DNAH14: variants seen among roughly 807,000 people sequenced by gnomAD.
DNAH14 encodes axonemal beta dynein heavy chain 14.
DNAH14 carries 478 observed loss-of-function variants against 520.9 expected under a neutral mutation model. The ratio of observed to expected loss-of-function variants is 0.92; its 90% CI spans 0.85 to 0.99. The LOEUF is 0.99. Among genes scored for constraint, DNAH14 ranks in the 50% least tolerant of loss-of-function variants. DNAH14 has a pLI of 0.00. For missense variants in DNAH14, 4,831 were observed against 5,234.5 expected (o/e 0.92, Z 2.38); for synonymous variants, 1,581 against 1,757.2 (o/e 0.90, Z 2.51).
Position 225,207,261 on chromosome 1 carries a change from G to A in DNAH14, c.6439+41G>A. 2.1e-6 allele frequency: 3 copies of A among 1,427,628 alleles called. No homozygotes were observed. The South Asian group carries it at 4.7e-5, about 23-fold the overall frequency. 88.4% of individuals were successfully genotyped at this position (1,427,628 alleles called of 1,614,324 possible). ...TAAGTCATATCAATGATATATCTTA[G>A]CTAGTCAATGCTAATTCATCACCGT... On this transcript the variant is annotated intron_variant, in intron 41 of 85. Transcript: ENST00000682510.
chr1:224,976,184 G>GA (rs2061826272), intron 8 of DNAH14, among the ~76,000 whole-genome samples: 3 of 151,974 alleles, frequency 2.0e-5, no homozygotes, highest in Non-Finnish European at 4.4e-5. Context: ...GTGTGGTGCT[G>GA]AAAAAAATGT....
At chr1:225,185,236 G>T (rs1397302647) in intron 36 of DNAH14, 55 bp from the exon 37 acceptor site, 4 of 1,503,504 alleles carry the variant, frequency 2.7e-6, no homozygotes, top group Non-Finnish European at 3.6e-6. Flanking sequence ...GAGATATATT[G>T]GTTAATAAAC....
rs142428668 is a variant in DNAH14, at chr1:225,201,998, C to T, written c.5887-2185C>T. 2.0e-3 allele frequency among the ~76,000 whole-genome samples: 310 copies of T among 151,948 alleles called. 1 individual carries two copies. The highest frequency in any genetic ancestry group is 7.1e-3 in the African/African-American group (296 of 41,416). On this transcript the variant is annotated intron_variant, in intron 38 of 85. Coordinates refer to ENST00000682510, the MANE Select transcript of DNAH14 (RefSeq NM_001367479.1). The stretch of plus-strand genomic sequence containing the variant: ...TCAAGCGATTCTCCTGCCTCAGCCT[C>T]CCCAGTAGCTGGGATTACAGGTGCC...
chr1:225,090,156 G>C (rs1165338941), intron 21 of DNAH14, among the ~76,000 whole-genome samples: 2 of 152,028 alleles, frequency 1.3e-5, no homozygotes, highest in Non-Finnish European at 2.9e-5. Flanking sequence ...TACTGGCATT[G>C]AGAAATAGCA....
chr1:225,066,218 G>A (rs56269823), intron 17 of DNAH14, among the ~76,000 whole-genome samples: 1,553 of 152,008 alleles, frequency 0.01, 32 homozygotes, highest in African/African-American at 0.035. Flanking sequence ...AGGTATTTGA[G>A]TTGCTTATAA....
At chr1:225,142,701 G>T (rs186260665) in intron 28 of DNAH14, among the ~76,000 whole-genome samples, 1 of 152,292 alleles carries the variant, frequency 6.6e-6, no homozygotes, top group East Asian at 1.9e-4. Flanking sequence ...GGGAGGCCGG[G>T]TGGATCACTT....
At position 225,395,606 on chromosome 1, in the gene DNAH14, A is replaced by T. The variant is rs1575188098; in HGVS notation, c.13492-2914A>T. On this transcript the variant is annotated intron_variant, in intron 84 of 85. Transcript: ENST00000682510. ...GACTCCCGTCTCAAAAAAAAAAAAA[A>T]AAATTATTCTGTAGGATGGGGCGGG... is the stretch of plus-strand genomic sequence containing the variant. The T allele has an allele frequency of 2.6e-5, 4 of 152,496 alleles. No individual in the cohort carries two copies. In the South Asian group the frequency reaches 8.3e-4, roughly 32 times the overall value. 9.4% of individuals were successfully genotyped at this position (152,496 alleles called of 1,614,324 possible). A position where few individuals can be genotyped will look rare whatever the true frequency, so the allele number is the denominator to read the frequency against.
At chr1:225,011,055 G>C (rs989163663) in intron 10 of DNAH14, among the ~76,000 whole-genome samples, 1 of 151,250 alleles carries the variant, frequency 6.6e-6, no homozygotes, top group Non-Finnish European at 1.5e-5. Context: ...ACAGCTCCTG[G>C]ATTCATTGAT....
At chr1:225,308,450 T>G in intron 60 of DNAH14, 40 bp downstream of exon 60, 1 of 1,497,548 alleles carries the variant, frequency 6.7e-7, no homozygotes. Context: ...ATTTGGAGAT[T>G]TGAAAAAGTA....
At chr1:225,023,371 T>G (rs1197626441) in intron 10 of DNAH14, among the ~76,000 whole-genome samples, 1 of 151,756 alleles carries the variant, frequency 6.6e-6, no homozygotes, top group Non-Finnish European at 1.5e-5. Context: ...TGTCTTTTTT[T>G]TTTTTCCTCT....
chr1:225,039,211 G>A (rs561747888), intron 12 of DNAH14, among the ~76,000 whole-genome samples: 1 of 136,744 alleles, frequency 7.3e-6, no homozygotes, highest in Non-Finnish European at 1.7e-5. Context: ...CAGGAGTGAT[G>A]TTGTATGCTA....
rs1281789140 is a variant in DNAH14, at chr1:225,259,229, T to C, written c.7133T>C (p.Leu2378Ser). Residue 2378 changes from leucine (L) to serine (S), a missense_variant, in exon 46 of 86, where the codon TTA (leucine) becomes TCA (serine). Leu to Ser is a moderately radical substitution (Grantham distance 145). Transcript: ENST00000682510. ...GGTTCAATTTTAGGAGACACCCTAT[T>C]ATATAGTGAAATAAAAAAATCAAGG... Reference protein sequence around the residue: ...KHGSILGDTLLYSEIKKSSSL... With the variant: ...KHGSILGDTLSYSEIKKSSSL... The C allele has an allele frequency of 4.0e-6, 6 of 1,506,996 alleles. No homozygotes were observed. The highest frequency in any genetic ancestry group is 5.3e-6 in the Non-Finnish European group (6 of 1,124,642). 93.4% of individuals were successfully genotyped at this position (1,506,996 alleles called of 1,614,324 possible).
At position 224,929,821 on chromosome 1, in the gene DNAH14, A is replaced by G. The variant is rs1248831712; in HGVS notation, c.-48A>G. ...CAGGAAGGGCCACAACGGCCGTCGG[A>G]CCACGGCGCGGCGGGTAAGGTCGTC... On this transcript the variant is annotated 5_prime_UTR_variant, in exon 1 of 86. Coordinates refer to ENST00000682510, the MANE Select transcript of DNAH14 (RefSeq NM_001367479.1). 1.4e-6 allele frequency: 1 copy of G among 694,334 alleles called. No individual in the cohort carries two copies. The highest frequency in any genetic ancestry group is 1.5e-5 in the South Asian group (1 of 67,282). 43.0% of individuals were successfully genotyped at this position (694,334 alleles called of 1,614,324 possible).
chr1:225,034,380 G>C (rs1392595541), intron 11 of DNAH14, among the ~76,000 whole-genome samples: 1 of 152,032 alleles, frequency 6.6e-6, no homozygotes, highest in Non-Finnish European at 1.5e-5. Context: ...TGTGTATGTT[G>C]AGCCAACCTT....
At chr1:225,138,560 C>T (rs1431000498) in intron 27 of DNAH14, among the ~76,000 whole-genome samples, 1 of 152,164 alleles carries the variant, frequency 6.6e-6, no homozygotes, top group East Asian at 1.9e-4. Flanking sequence ...ACTCCTGGGT[C>T]ACTGTGTGCA....
At chr1:224,929,952 C>T in intron 1 of DNAH14, 117 bp downstream of exon 1, 1 of 529,384 alleles carries the variant, frequency 1.9e-6, no homozygotes, top group East Asian at 3.4e-5. Context: ...CCTGGGCGCT[C>T]CCCACCCAGC....
At position 225,335,467 on chromosome 1, in the gene DNAH14, ATG is replaced by A. The variant is rs878987632; in HGVS notation, c.10081-1791_10081-1790del. ...TGTATGCACATATGCACGTGTGTAC[ATG>A]TGTGTGTATGCACATATACACGTGT... is the stretch of plus-strand genomic sequence containing the variant. On this transcript the variant is annotated intron_variant, in intron 66 of 85. Transcript: ENST00000682510. Among the ~76,000 whole-genome samples, 58 of 93,702 alleles carry A rather than the reference ATG, an allele frequency of 6.2e-4. 4 individuals carry two copies. Among genetic ancestry groups the A allele is most frequent in the African/African-American group, 7.3e-4 (13 of 17,924 alleles). The allele number at this position is 93,702 out of a possible 152,430, so 61.5% of individuals were successfully genotyped here.
At chr1:224,999,644 T>G (rs1343747968) in intron 8 of DNAH14, among the ~76,000 whole-genome samples, 3 of 152,184 alleles carry the variant, frequency 2.0e-5, no homozygotes, top group African/African-American at 7.2e-5. Flanking sequence ...TCTCTGCTGT[T>G]TGTTTCTATG....
At chr1:225,277,219 A>G (rs2093506675) in intron 53 of DNAH14, among the ~76,000 whole-genome samples, 191 bp from the exon 54 acceptor site, 1 of 151,908 alleles carries the variant, frequency 6.6e-6, no homozygotes, top group African/African-American at 2.4e-5. Context: ...TCACAAGAAC[A>G]TTAGCATAGG....
Sources: gnomAD v4.1 joint callset for allele counts (sites outside exome capture counted in the v4.1 genomes callset) on GRCh38, gnomAD v4.1.1 for gene constraint, MANE v1.5 for transcripts, NCBI Gene and HGNC (gene_info 2026-07-23, HGNC 2026-07-21) for gene names.